APBA1: variants seen among roughly 807,000 people sequenced by gnomAD.
The protein encoded by APBA1 is amyloid beta precursor protein binding family A member 1, also known as amyloid-beta A4 precursor protein-binding family A member 1.
A neutral mutation model predicts 86.6 loss-of-function variants in APBA1; 55 were observed. The observed-to-expected ratio is 0.64, with a 90% confidence interval of 0.51 to 0.80. The LOEUF is 0.80. APBA1 is among the 30% of genes least tolerant of loss of function. APBA1 has a pLI of 0.00. For missense variants in APBA1, 1,090 were observed against 1,183.0 expected (o/e 0.92, Z 1.15); for synonymous variants, 511 against 493.9 (o/e 1.03, Z -0.46).
intron 1 of APBA1, among the ~76,000 whole-genome samples, chr9:69,531,512 CCTCA>C (rs1836433459): frequency 6.6e-6 from 1 of 152,132 alleles, no homozygotes; most frequent in Non-Finnish European, 1.5e-5. Context: ...TCAATGGGCC[CCTCA>C]CTGTCATTGC....
rs757626843 is a variant in APBA1, at chr9:69,516,599, C to T, written c.612G>A (p.Ala204=). Residue 204 remains alanine, a synonymous_variant, in exon 2 of 13, where the codon GCG becomes GCA. Transcript: ENST00000265381. This position sits in a 1 kb window ranked among gnomAD's most constrained non-coding sequence, Gnocchi z 7.3. The part of the protein sequence containing the change: ...QEHVYEEIGD[A]PELDARDGLR... Reference sequence around the variant, plus strand: ...GGCCGTCGCGTGCGTCCAGCTCGGGCGCGTCCCCTATCTCCTCGTACACGT... The same window carrying T: ...GGCCGTCGCGTGCGTCCAGCTCGGGTGCGTCCCCTATCTCCTCGTACACGT... 61 of 1,604,294 alleles carry T rather than the reference C, an allele frequency of 3.8e-5. No individual in the cohort carries two copies. The East Asian group carries it at 1.3e-3, about 35-fold the overall frequency.
intron 1 of APBA1, among the ~76,000 whole-genome samples, chr9:69,549,349 T>C (rs193087983): frequency 9.2e-5 from 14 of 152,292 alleles, no homozygotes; most frequent in Non-Finnish European, 1.9e-4. Context: ...TGGGACACTA[T>C]AGGTGCTTAG....
intron 1 of APBA1, among the ~76,000 whole-genome samples, chr9:69,574,912 C>A (rs1404774762): frequency 4.6e-5 from 7 of 152,078 alleles, no homozygotes; most frequent in Non-Finnish European, 1.0e-4. Flanking sequence ...GTGTATAGAA[C>A]TTTACACAAT....
chr9:69,617,047 C>T (rs545298564), intron 1 of APBA1, among the ~76,000 whole-genome samples: 15 of 152,274 alleles, frequency 9.9e-5, no homozygotes, highest in Middle Eastern at 3.4e-3. Flanking sequence ...CACACATATA[C>T]ACATAAAAAG....
At chr9:69,584,070 C>T (rs148673547) in intron 1 of APBA1, among the ~76,000 whole-genome samples, 10 of 152,252 alleles carry the variant, frequency 6.6e-5, no homozygotes, top group Non-Finnish European at 1.5e-4. Context: ...GTGAGCCACA[C>T]TCCCTTCTTG....
chr9:69,606,617 G>A (rs1024401989), intron 1 of APBA1, among the ~76,000 whole-genome samples: 74 of 145,888 alleles, frequency 5.1e-4, no homozygotes, highest in Admixed American at 2.7e-3. Flanking sequence ...TCAGCCTCCC[G>A]AGTAGCTGGG....
intron 1 of APBA1, among the ~76,000 whole-genome samples, chr9:69,545,295 CA>C (rs772206013): frequency 1.0e-3 from 154 of 152,256 alleles, no homozygotes; most frequent in African/African-American, 3.4e-3. Context: ...AAGCCAAAAC[CA>C]AAATCAAAAC....
At chr9:69,623,337 C>A (rs1266365772) in intron 1 of APBA1, among the ~76,000 whole-genome samples, 1 of 151,140 alleles carries the variant, frequency 6.6e-6, no homozygotes, top group Non-Finnish European at 1.5e-5. Context: ...CTCCACTTCT[C>A]CTATAGATTT....
At chr9:69,658,327 T>TC (rs1823677139) in intron 1 of APBA1, among the ~76,000 whole-genome samples, 5 of 139,616 alleles carry the variant, frequency 3.6e-5, no homozygotes, top group Middle Eastern at 3.5e-3. Context: ...TCTTTCTTTC[T>TC]TTCTTTCTTT....
intron 1 of APBA1, among the ~76,000 whole-genome samples, chr9:69,540,953 T>G (rs1005105212): frequency 6.6e-6 from 1 of 152,172 alleles, no homozygotes; most frequent in Non-Finnish European, 1.5e-5. Context: ...CAGTATTTGT[T>G]TTTCTGTGAC....
At chr9:69,571,643 T>G (rs1837115821) in intron 1 of APBA1, among the ~76,000 whole-genome samples, 1 of 152,244 alleles carries the variant, frequency 6.6e-6, no homozygotes, top group Non-Finnish European at 1.5e-5. Flanking sequence ...AACAAATATT[T>G]ATCATTAGAC....
At chr9:69,520,854 G>C (rs1246935605) in intron 1 of APBA1, among the ~76,000 whole-genome samples, 2 of 152,030 alleles carry the variant, frequency 1.3e-5, no homozygotes, top group Non-Finnish European at 2.9e-5. Context: ...GGTCTGTCTT[G>C]ACTACCTGGT....
intron 2 of APBA1, among the ~76,000 whole-genome samples, chr9:69,514,409 G>A (rs1320417455): frequency 1.3e-5 from 2 of 152,020 alleles, no homozygotes; most frequent in Admixed American, 6.6e-5. Flanking sequence ...TAGCCAACAT[G>A]GTGAAACCCC....
At chr9:69,514,678 G>A (rs1000415086) in intron 2 of APBA1, among the ~76,000 whole-genome samples, 2 of 152,150 alleles carry the variant, frequency 1.3e-5, no homozygotes, top group East Asian at 3.9e-4. Flanking sequence ...GGAGGCCGAG[G>A]TGAGTGGTTC....
chr9:69,576,289 A>T (rs1254038820), intron 1 of APBA1, among the ~76,000 whole-genome samples: 1 of 152,218 alleles, frequency 6.6e-6, no homozygotes, highest in Non-Finnish European at 1.5e-5. Flanking sequence ...CCATTGTGGA[A>T]GTCAGTGTGG....
chr9:69,522,025 T>C (rs1836260376), intron 1 of APBA1, among the ~76,000 whole-genome samples: 1 of 151,754 alleles, frequency 6.6e-6, no homozygotes, highest in South Asian at 2.1e-4. Context: ...TCTCTCTCCC[T>C]TTCCCTTTCT....
At position 69,555,892 on chromosome 9, in the gene APBA1, C is replaced by G. The variant is rs111282730; in HGVS notation, c.-69-38613G>C. ...TGTTATTCATAAGAATTATAATAAG[C>G]TAGTTATATAATGAGAATATTATCC... On this transcript the variant is annotated intron_variant, in intron 1 of 12. Transcript: ENST00000265381. Among the ~76,000 whole-genome samples, 707 of 152,200 alleles carry G rather than the reference C, an allele frequency of 4.6e-3. 4 individuals are homozygous for G. The highest frequency in any genetic ancestry group is 0.016 in the African/African-American group (670 of 41,522).
intron 2 of APBA1, among the ~76,000 whole-genome samples, chr9:69,503,597 C>T (rs989051874): frequency 2.0e-5 from 3 of 152,028 alleles, no homozygotes; most frequent in Non-Finnish European, 4.4e-5. Context: ...CATTTCTTGC[C>T]AATATAACAA....
intron 1 of APBA1, among the ~76,000 whole-genome samples, chr9:69,538,612 G>C (rs918450451): frequency 6.6e-6 from 1 of 152,176 alleles, no homozygotes; most frequent in Non-Finnish European, 1.5e-5. Context: ...GCACACAGTA[G>C]GACCTCAAAC....
Sources: gnomAD v4.1 joint callset for allele counts (sites outside exome capture counted in the v4.1 genomes callset) on GRCh38, gnomAD v4.1.1 for gene constraint, Gnocchi (gnomAD v3.1) non-coding constraint, MANE v1.5 for transcripts, NCBI Gene and HGNC (gene_info 2026-07-23, HGNC 2026-07-21) for gene names.